Variants in ABCF2 observed in about 807,000 individuals in gnomAD.
ABCF2 encodes ATP-binding cassette sub-family F member 2.
Under a neutral mutation model 76.9 loss-of-function variants are expected in ABCF2, and 37 were observed. The observed-to-expected ratio is 0.48, with a 90% CI of 0.37 to 0.63. The LOEUF (loss-of-function observed/expected upper bound fraction) is 0.63. Ranked by LOEUF, ABCF2 falls within the 30% of genes least tolerant of loss-of-function variation. The pLI, the probability that ABCF2 is intolerant of heterozygous loss-of-function variation, is 0.00. For synonymous variants in ABCF2, 299 were observed against 283.7 expected (o/e 1.05, Z -0.54); for missense variants, 524 against 782.1 (o/e 0.67, Z 3.94).
intron 6 of ABCF2, 125 bp from the exon 7 acceptor site, chr7:151,221,805 C>T: frequency 1.4e-6 from 1 of 715,618 alleles, no homozygotes. Context: ...CAATTCCTGG[C>T]TGTTAGCAAG....
At chr7:151,222,297 T>TAA (rs199576317) in intron 6 of ABCF2, among the ~76,000 whole-genome samples, 1 of 150,098 alleles carries the variant, frequency 6.7e-6, no homozygotes. Context: ...GGATTTTTTT[T>TAA]AAAAAAAAAA....
chr7:151,222,435 T>C, intron 6 of ABCF2, 86 bp downstream of exon 6: 1 of 1,114,250 alleles, frequency 9.0e-7, no homozygotes, highest in East Asian at 2.4e-5. Flanking sequence ...CTCACCGCTC[T>C]AACATCAGTG....
chr7:151,225,444 C>A (rs1802353903), intron 2 of ABCF2, among the ~76,000 whole-genome samples: 1 of 152,142 alleles, frequency 6.6e-6, no homozygotes, highest in East Asian at 1.9e-4. Flanking sequence ...ACAGGAGATA[C>A]AACATAAAAA....
At chr7:151,224,508 T>C (rs1802335000) in intron 3 of ABCF2, among the ~76,000 whole-genome samples, 1 of 152,184 alleles carries the variant, frequency 6.6e-6, no homozygotes, top group Admixed American at 6.5e-5. Context: ...TTCAGGTTTT[T>C]GGATTAGGGA....
In ABCF2 at chr7:151,215,230, C is replaced by G; in HGVS notation, c.1531-148G>C. The G allele has an allele frequency of 1.3e-6, 1 of 785,276 alleles. No homozygotes were observed. The highest frequency in any genetic ancestry group is 2.0e-6 in the Non-Finnish European group (1 of 492,446). 48.6% of individuals were successfully genotyped at this position (785,276 alleles called of 1,614,324 possible). A position where few individuals can be genotyped will look rare whatever the true frequency, so the allele number is the denominator to read the frequency against. On this transcript the variant is annotated intron_variant, in intron 13 of 14. Transcript: ENST00000287844. This position sits in a 1 kb window ranked among gnomAD's most constrained non-coding sequence, Gnocchi z 4.6. ...GAGAGACCCACTAGTCTCTTGAGGC[C>G]TGAAAGAGACTCATCCGGAAACCTG...
Position 151,213,237 on chromosome 7 carries a change from T to G in ABCF2, c.*817A>C. Reference sequence around the variant, plus strand: ...CGTTCTTGGTCTCCCCCAAAACCTATTGAACCAGAAACGCTGAGGCGAGAT... The same window carrying G: ...CGTTCTTGGTCTCCCCCAAAACCTAGTGAACCAGAAACGCTGAGGCGAGAT... On this transcript the variant is annotated 3_prime_UTR_variant, in exon 15 of 15. Coordinates refer to ENST00000287844, the MANE Select transcript of ABCF2 (RefSeq NM_007189.3). The G allele has an allele frequency of 9.2e-6, 9 of 978,748 alleles. No individual in the cohort carries two copies. Among genetic ancestry groups the G allele is most frequent in the Non-Finnish European group, 1.1e-5 (9 of 823,912 alleles). 60.6% of individuals were successfully genotyped at this position (978,748 alleles called of 1,614,324 possible).
intron 11 of ABCF2, among the ~76,000 whole-genome samples, chr7:151,216,751 T>G (rs1226955925): frequency 6.6e-6 from 1 of 152,164 alleles, no homozygotes; most frequent in African/African-American, 2.4e-5. Context: ...TGATCTCAAG[T>G]GATCTGCCTG....
Position 151,226,361 on chromosome 7 carries a change from A to G in ABCF2, c.98T>C (p.Val33Ala). The G allele has an allele frequency of 1.9e-6, 3 of 1,614,032 alleles. No homozygotes were observed. Among genetic ancestry groups the G allele is most frequent in the Non-Finnish European group, 2.5e-6 (3 of 1,179,978 alleles). ...CTCTGCCACCTGTGGTTCTGTGACA[A>G]CATCTCCATTTTCTTCATGTCCTTT... ...PRKGHEENGD[V>A]VTEPQVAEKN... Residue 33 changes from valine to alanine, a missense_variant, in exon 2 of 15, where the codon GTT becomes GCT. By Grantham distance (64) the Val-to-Ala change is moderately conservative. This residue lies in a region of ABCF2 where 330 missense variants were observed against 433.6 expected (regional missense o/e 0.76). Coordinates refer to ENST00000287844, the MANE Select transcript of ABCF2 (RefSeq NM_007189.3).
chr7:151,211,796 C>T lies in ABCF2; in HGVS notation c.*2258G>A. 1.0e-6 allele frequency: 1 copy of T among 985,448 alleles called. No individual in the cohort carries two copies. The highest frequency in any genetic ancestry group is 1.2e-6 in the Non-Finnish European group (1 of 829,946). 61.0% of individuals were successfully genotyped at this position (985,448 alleles called of 1,614,324 possible). A position where few individuals can be genotyped will look rare whatever the true frequency, so the allele number is the denominator to read the frequency against. On this transcript the variant is annotated 3_prime_UTR_variant, in exon 15 of 15. Coordinates refer to ENST00000287844, the MANE Select transcript of ABCF2 (RefSeq NM_007189.3). ...CAGACTAACCTGGGCCATTTTGCTC[C>T]AGGCCCCACTTAAGGCATAAAGCAG... is the stretch of plus-strand genomic sequence containing the variant.
At position 151,212,637 on chromosome 7, in the gene ABCF2, C is replaced by T. The variant is rs1035894343; in HGVS notation, c.*1417G>A. 2.0e-5 allele frequency: 5 copies of T among 253,158 alleles called. No individual in the cohort carries two copies. The highest frequency in any genetic ancestry group is 3.1e-5 in the Non-Finnish European group (5 of 160,384). 15.7% of individuals were successfully genotyped at this position (253,158 alleles called of 1,614,324 possible). On this transcript the variant is annotated 3_prime_UTR_variant, in exon 15 of 15. Transcript: ENST00000287844. ...ATCAGAGCAGCTGGGACCGCAGGCA[C>T]ATGCTACTATGCCCGGTTCATTTTA... is the stretch of plus-strand genomic sequence containing the variant.
chr7:151,212,193 T>C lies in ABCF2; in HGVS notation c.*1861A>G. The C allele has an allele frequency of 1.0e-6, 1 of 985,348 alleles. No individual in the cohort carries two copies. Among genetic ancestry groups the C allele is most frequent in the South Asian group, 4.7e-5 (1 of 21,286 alleles). 61.0% of individuals were successfully genotyped at this position (985,348 alleles called of 1,614,324 possible). ...TATGAGTACTGAAAAATCATGGCTGTGTCTTCCCATAGGGATGGCTGATTT... is the reference window on the plus strand; with the variant it reads ...TATGAGTACTGAAAAATCATGGCTGCGTCTTCCCATAGGGATGGCTGATTT... On this transcript the variant is annotated 3_prime_UTR_variant, in exon 15 of 15. Coordinates refer to ENST00000287844, the MANE Select transcript of ABCF2 (RefSeq NM_007189.3).
In ABCF2 at chr7:151,224,077, T is replaced by G; in HGVS notation, c.405A>C (p.Glu135Asp). The G allele has an allele frequency of 6.2e-7, 1 of 1,614,186 alleles. No individual in the cohort carries two copies. Reference protein sequence around the residue: ...SMLLSAIGKREVPIPEHIDIY... With the variant: ...SMLLSAIGKRDVPIPEHIDIY... ...TGTCGATGTGCTCAGGGATGGGCAC[T>G]TCACGCTTCCCAATAGCAGAGAGCA... Residue 135 changes from glutamate (E) to aspartate (D), a missense_variant, in exon 4 of 15, where the codon GAA becomes GAC. Transcript: ENST00000287844.
chr7:151,215,783 A>C lies in ABCF2; in HGVS notation c.1402-51T>G, dbSNP rs772514807. 1 of 1,613,412 alleles carries C rather than the reference A, an allele frequency of 6.2e-7. No individual in the cohort carries two copies. Among genetic ancestry groups the C allele is most frequent in the East Asian group, 2.2e-5 (1 of 44,884 alleles). On this transcript the variant is annotated intron_variant, in intron 12 of 14. Transcript: ENST00000287844. The surrounding 1 kb of genome is among the most constrained non-coding windows in gnomAD (Gnocchi z 4.6). Reference sequence around the variant, plus strand: ...GGTGTGACTGGCATCCCGCTTCAAAATAAACCCTACTAGGTAACTTCCTAT... The same window carrying C: ...GGTGTGACTGGCATCCCGCTTCAAACTAAACCCTACTAGGTAACTTCCTAT...
In ABCF2 at chr7:151,214,083, G is replaced by C; in HGVS notation, c.1843C>G (p.Gln615Glu). Residue 615 changes from glutamine to glutamate, a missense_variant, in exon 15 of 15, where the codon CAG (glutamine) becomes GAG (glutamate). Physicochemically the swap from Gln to Glu is conservative, Grantham distance 29 (BLOSUM62 2). Coordinates refer to ENST00000287844, the MANE Select transcript of ABCF2 (RefSeq NM_007189.3). The surrounding 1 kb of genome is among the most constrained non-coding windows in gnomAD (Gnocchi z 4.9). ...LKSKLVDEEP[Q>E]LTKRTHNV ...ACGTTGTGGGTCCTCTTGGTGAGCT[G>C]GGGCTCCTCATCCACCAGCTTGGAC... 6.2e-7 allele frequency: 1 copy of C among 1,614,100 alleles called. No individual in the cohort carries two copies. The highest frequency in any genetic ancestry group is 8.5e-7 in the Non-Finnish European group (1 of 1,180,012).
intron 11 of ABCF2, 56 bp from the exon 12 acceptor site, chr7:151,216,085 CAT>C (rs1802145352): frequency 6.7e-7 from 1 of 1,496,988 alleles, no homozygotes; most frequent in Non-Finnish European, 9.3e-7. Context: ...CAGTTAGAAA[CAT>C]AGGCAGAGCA....
In ABCF2 at chr7:151,214,452, C is replaced by A. The variant is rs1448811400; in HGVS notation, c.1735-261G>T. Among the ~76,000 whole-genome samples, 1 of 152,204 alleles carries A rather than the reference C, an allele frequency of 6.6e-6. No homozygotes were observed. Among genetic ancestry groups the A allele is most frequent in the Non-Finnish European group, 1.5e-5 (1 of 68,028 alleles). On this transcript the variant is annotated intron_variant, in intron 14 of 14. Transcript: ENST00000287844. This position sits in a 1 kb window ranked among gnomAD's most constrained non-coding sequence, Gnocchi z 4.9. ...GGCCTAGATCTATTCAGAGGCTTCA[C>A]TCTCAGCCTTCTTTTCTCCACCTCT...
intron 6 of ABCF2, 87 bp from the exon 7 acceptor site, chr7:151,221,767 T>A (rs1802273213): frequency 1.0e-6 from 1 of 962,510 alleles, no homozygotes; most frequent in African/African-American, 1.6e-5. Flanking sequence ...CCCATCCTCA[T>A]CCCTAAGCAC....
chr7:151,224,894 A>G lies in ABCF2; in HGVS notation c.249T>C (p.Ser83=). The change falls in exon 3 of 15, where the codon AGT becomes AGC. Residue 83 remains serine, a synonymous_variant. Transcript: ENST00000287844. ...VTGVLASHPN[S]TDVHIINLSL... ...AGAGGTTGATGATGTGAACATCAGT[A>G]CTGTTGGGGTGAGAGGCCAGGACGC... 6.2e-7 allele frequency: 1 copy of G among 1,614,158 alleles called. No homozygotes were observed. Among genetic ancestry groups the G allele is most frequent in the Non-Finnish European group, 8.5e-7 (1 of 1,179,986 alleles).
At position 151,220,387 on chromosome 7, in the gene ABCF2, C is replaced by CAA. The variant is rs10706364; in HGVS notation, c.921+1189_921+1190dup. Reference sequence around the variant, plus strand: ...CTGGCGACGGAGCAAGACTCCAGCTCAAAAAAAAAAAAAAAAAAAAGCTGC... The same window carrying CAA: ...CTGGCGACGGAGCAAGACTCCAGCTCAAAAAAAAAAAAAAAAAAAAAAGCTGC... On this transcript the variant is annotated intron_variant, in intron 7 of 14. Coordinates refer to ENST00000287844, the MANE Select transcript of ABCF2 (RefSeq NM_007189.3). 6.1e-3 allele frequency among the ~76,000 whole-genome samples: 504 copies of CAA among 82,392 alleles called. 13 individuals are homozygous for CAA. The highest frequency in any genetic ancestry group is 0.018 in the Middle Eastern group (2 of 112). 54.1% of individuals were successfully genotyped at this position (82,392 alleles called of 152,430 possible). A position where few individuals can be genotyped will look rare whatever the true frequency, so the allele number is the denominator to read the frequency against.
Sources: allele counts gnomAD v4.1 joint callset (sites outside exome capture counted in the v4.1 genomes callset), GRCh38; gene constraint gnomAD v4.1.1; regional missense constraint gnomAD v4.1.1; non-coding constraint Gnocchi (gnomAD v3.1); transcripts MANE v1.5; gene names NCBI Gene and HGNC (gene_info 2026-07-23, HGNC 2026-07-21).